The following CCDC178 variants were observed in gnomAD, a reference collection of about 807,000 sequenced individuals.
CCDC178 encodes coiled-coil domain containing 178.
A neutral mutation model predicts 117.4 loss-of-function variants in CCDC178; 126 were observed. That is an observed-to-expected ratio of 1.07 (90% CI 0.93 to 1.24). The LOEUF (loss-of-function observed/expected upper bound fraction) is 1.24, where lower values mean the gene tolerates loss of function less well. CCDC178 is among the 50% of genes most tolerant of loss of function. The pLI, the probability that CCDC178 is intolerant of heterozygous loss-of-function variation, is 0.00. For missense variants in CCDC178, 1,030 were observed against 986.9 expected, an observed-to-expected ratio of 1.04 and a Z score of -0.59; for synonymous variants, 283 against 313.4, an observed-to-expected ratio of 0.90 and a Z score of 1.02.
rs369587398 is a variant in CCDC178 at position 33,370,297 on chromosome 18, T to C, written c.209-108A>G. The C allele has an allele frequency of 7.4e-5, 42 of 570,312 alleles. No individual in the cohort carries two copies. In the East Asian group the frequency reaches 1.1e-3, roughly 15 times the overall value. 35.3% of individuals were successfully genotyped at this position (570,312 alleles called of 1,614,324 possible). A position where few individuals can be genotyped will look rare whatever the true frequency, so the allele number is the denominator to read the frequency against. ...CTTTATTAGTGCTAATACTCTTAGT[T>C]TCCTTAATAGAGAGGCTGAGAAATC... On this transcript the variant is annotated intron_variant, in intron 5 of 22. Coordinates refer to ENST00000383096, the MANE Select transcript of CCDC178 (RefSeq NM_001105528.4).
intron 5 of CCDC178, among the ~76,000 whole-genome samples, chr18:33,387,690 C>T (rs928168578): frequency 6.6e-6 from 1 of 152,186 alleles, no homozygotes; most frequent in African/African-American, 2.4e-5. Flanking sequence ...CCCTTCTTTA[C>T]ACCTTATACA....
chr18:32,967,507 T>TC (rs2054840019), intron 22 of CCDC178, among the ~76,000 whole-genome samples: 2 of 151,638 alleles, frequency 1.3e-5, no homozygotes, highest in South Asian at 4.1e-4. Context: ...CTTTTTTTTT[T>TC]CCAGGATCTT....
At chr18:33,074,977 T>C (rs2057178944) in intron 21 of CCDC178, among the ~76,000 whole-genome samples, 1 of 152,116 alleles carries the variant, frequency 6.6e-6, no homozygotes, top group South Asian at 2.1e-4. Context: ...AATTAAGATA[T>C]GGAAGGATAG....
intron 12 of CCDC178, among the ~76,000 whole-genome samples, chr18:33,273,822 G>A (rs2059914845): frequency 2.0e-5 from 3 of 151,640 alleles, no homozygotes; most frequent in Admixed American, 1.3e-4. Context: ...TGGTTCCTCA[G>A]ATATGATACT....
chr18:33,203,375 G>A (rs990235878), intron 20 of CCDC178, among the ~76,000 whole-genome samples: 8 of 151,526 alleles, frequency 5.3e-5, no homozygotes, highest in Admixed American at 6.6e-5. Context: ...TTTTTTATTA[G>A]GCATTATCTT....
chr18:33,318,095 T>C (rs558720126), intron 11 of CCDC178, among the ~76,000 whole-genome samples: 279 of 152,322 alleles, frequency 1.8e-3, no homozygotes, highest in African/African-American at 6.4e-3. Context: ...CTCCCCTTGC[T>C]TTTAATGTCC....
intron 21 of CCDC178, among the ~76,000 whole-genome samples, chr18:32,978,329 T>G (rs1014199053): frequency 3.8e-5 from 5 of 133,004 alleles, no homozygotes; most frequent in African/African-American, 1.4e-4. Flanking sequence ...TCCAATAAAA[T>G]AACATATGCA....
intron 21 of CCDC178, among the ~76,000 whole-genome samples, chr18:33,077,796 C>G (rs1187941765): frequency 6.6e-6 from 1 of 152,032 alleles, no homozygotes; most frequent in Non-Finnish European, 1.5e-5. Context: ...AAATAGCCTA[C>G]CAATCAAAAA....
chr18:33,070,477 G>A (rs928903222), intron 21 of CCDC178, among the ~76,000 whole-genome samples: 5 of 152,026 alleles, frequency 3.3e-5, no homozygotes, highest in Admixed American at 3.3e-4. Context: ...TTGTTCTCAT[G>A]GAGGGAAAGA....
intron 21 of CCDC178, among the ~76,000 whole-genome samples, chr18:32,975,873 A>G (rs192994301): frequency 1.0e-3 from 157 of 152,270 alleles, no homozygotes; most frequent in Middle Eastern, 6.8e-3. Context: ...TAAAACATCA[A>G]TAAAGAGTGT....
intron 20 of CCDC178, among the ~76,000 whole-genome samples, chr18:33,159,957 A>C (rs1385270122): frequency 6.6e-6 from 1 of 152,126 alleles, no homozygotes; most frequent in Non-Finnish European, 1.5e-5. Context: ...CATTCCTATC[A>C]ATCATCAGAG....
intron 21 of CCDC178, among the ~76,000 whole-genome samples, chr18:33,018,530 G>A (rs2056045173): frequency 6.6e-6 from 1 of 152,032 alleles, no homozygotes; most frequent in Admixed American, 6.6e-5. Flanking sequence ...ATATGGTATA[G>A]TCATATGAAG....
At chr18:33,426,240 T>C (rs2064123490) in intron 2 of CCDC178, among the ~76,000 whole-genome samples, 1 of 152,222 alleles carries the variant, frequency 6.6e-6, no homozygotes, top group Admixed American at 6.5e-5. Context: ...CCCACTTTAA[T>C]ATTCTATAAT....
chr18:33,077,979 A>G (rs1033139125), intron 21 of CCDC178, among the ~76,000 whole-genome samples: 4 of 152,186 alleles, frequency 2.6e-5, no homozygotes, highest in African/African-American at 9.7e-5. Context: ...CACAACAACA[A>G]CAAAAAGAAA....
Position 33,349,047 on chromosome 18 carries a change from T to C in CCDC178, c.372-72A>G, listed in dbSNP as rs2062935079. 27 of 847,660 alleles carry C rather than the reference T, an allele frequency of 3.2e-5. 1 individual carries two copies. The South Asian group carries it at 4.6e-4, about 14-fold the overall frequency. 52.5% of individuals were successfully genotyped at this position (847,660 alleles called of 1,614,324 possible). A position where few individuals can be genotyped will look rare whatever the true frequency, so the allele number is the denominator to read the frequency against. ...GTAAAACAAATTTTAGGTTATGCTCTTCTATTGAATTTTAAATATTTGTGG... is the reference window on the plus strand; with the variant it reads ...GTAAAACAAATTTTAGGTTATGCTCCTCTATTGAATTTTAAATATTTGTGG... On this transcript the variant is annotated intron_variant, in intron 7 of 22. Transcript: ENST00000383096.
intron 20 of CCDC178, among the ~76,000 whole-genome samples, chr18:33,136,858 TA>T (rs1333587021): frequency 6.6e-6 from 1 of 152,220 alleles, no homozygotes; most frequent in Non-Finnish European, 1.5e-5. Flanking sequence ...AAATAAATTT[TA>T]AAAATTATCT....
In CCDC178 at chr18:33,434,712, A is replaced by C. The variant is rs184543387; in HGVS notation, c.-23+5250T>G. On this transcript the variant is annotated intron_variant, in intron 2 of 22. Transcript: ENST00000383096. ...GAAAACTACATAGGTCAAAGAAACA[A>C]GCAAAAGTTCATCCCCACTGCACTT... Among the ~76,000 whole-genome samples the C allele has an allele frequency of 2.2e-3, 335 of 152,248 alleles. 4 individuals are homozygous for C. The highest frequency in any genetic ancestry group is 7.6e-3 in the African/African-American group (316 of 41,568).
At chr18:33,104,578 A>C (rs920498023) in intron 20 of CCDC178, among the ~76,000 whole-genome samples, 1 of 151,694 alleles carries the variant, frequency 6.6e-6, no homozygotes, top group African/African-American at 2.4e-5. Context: ...TCATTTCCTC[A>C]GCCCTCTTTC....
intron 20 of CCDC178, among the ~76,000 whole-genome samples, chr18:33,144,170 G>A (rs1435979250): frequency 2.6e-5 from 4 of 152,056 alleles, no homozygotes; most frequent in Admixed American, 2.6e-4. Context: ...CAAGCATCCT[G>A]AAAGTTAAAT....
Sources: gnomAD v4.1 joint callset for allele counts (sites outside exome capture counted in the v4.1 genomes callset) on GRCh38, gnomAD v4.1.1 for gene constraint, MANE v1.5 for transcripts, NCBI Gene and HGNC (gene_info 2026-07-23, HGNC 2026-07-21) for gene names.